SLC25A13: variants seen among roughly 807,000 people sequenced by gnomAD.
SLC25A13 encodes solute carrier family 25 member 13, also known as electrogenic aspartate/glutamate antiporter SLC25A13, mitochondrial.
SLC25A13 carries 70 observed loss-of-function variants against 85.5 expected under a neutral mutation model. The observed-to-expected ratio is 0.82, with a 90% CI of 0.68 to 1.00. SLC25A13 has a LOEUF of 1.00. Among genes scored for constraint, SLC25A13 ranks in the 50% least tolerant of loss-of-function variants. The pLI is 0.00. For synonymous variants in SLC25A13, 259 were observed against 288.7 expected (o/e 0.90, Z 1.04); for missense variants, 765 against 819.8 (o/e 0.93, Z 0.82).
intron 3 of SLC25A13, among the ~76,000 whole-genome samples, chr7:96,265,401 T>G (rs1409690884): frequency 1.3e-5 from 2 of 152,170 alleles, no homozygotes; most frequent in Non-Finnish European, 2.9e-5. Context: ...CATGAAAATT[T>G]TAAATCTTTC....
At chr7:96,149,290 A>G (rs969213240) in intron 13 of SLC25A13, among the ~76,000 whole-genome samples, 6 of 152,198 alleles carry the variant, frequency 3.9e-5, no homozygotes, top group African/African-American at 1.4e-4. Context: ...ATCTCACAAC[A>G]AACTCTTTCT....
intron 6 of SLC25A13, 88 bp downstream of exon 6, chr7:96,192,949 A>C (rs1159522354): frequency 1.4e-6 from 2 of 1,436,472 alleles, no homozygotes; most frequent in Admixed American, 3.4e-5. Context: ...TGCAACAGAA[A>C]AAAAACACTA....
At chr7:96,190,082 ATTT>A (rs765043025) in intron 7 of SLC25A13, among the ~76,000 whole-genome samples, 7 of 132,178 alleles carry the variant, frequency 5.3e-5, no homozygotes, top group Non-Finnish European at 1.6e-5. Context: ...GGGAATTCTG[ATTT>A]TTTTTTTTTT....
intron 3 of SLC25A13, among the ~76,000 whole-genome samples, chr7:96,259,362 A>G (rs189105513): frequency 1.8e-3 from 274 of 152,314 alleles, no homozygotes; most frequent in Middle Eastern, 3.4e-3. Flanking sequence ...AAATATATTT[A>G]CAAGATAAAA....
chr7:96,185,365 A>AGGCG (rs1794593782), intron 9 of SLC25A13, among the ~76,000 whole-genome samples: 1 of 152,140 alleles, frequency 6.6e-6, no homozygotes, highest in Non-Finnish European at 1.5e-5. Context: ...TGGGAGGCTG[A>AGGCG]GGCGGGCGGA....
At chr7:96,270,031 G>C (rs1172912851) in intron 3 of SLC25A13, among the ~76,000 whole-genome samples, 1 of 152,140 alleles carries the variant, frequency 6.6e-6, no homozygotes, top group Non-Finnish European at 1.5e-5. Context: ...AGTTAGAGGA[G>C]TAAGCTCAAG....
chr7:96,296,780 T>G (rs1233388338), intron 2 of SLC25A13, 118 bp downstream of exon 2: 18 of 1,056,948 alleles, frequency 1.7e-5, no homozygotes, highest in Non-Finnish European at 2.3e-5. Flanking sequence ...CGTGCCGGGC[T>G]GACACTTTGG....
chr7:96,292,742 AAGG>A (rs1191296554), intron 2 of SLC25A13, among the ~76,000 whole-genome samples: 1 of 152,230 alleles, frequency 6.6e-6, no homozygotes, highest in Admixed American at 6.5e-5. Context: ...GGACCTCTTC[AAGG>A]AGAACTGCAA....
intron 3 of SLC25A13, among the ~76,000 whole-genome samples, chr7:96,250,734 T>C (rs1202208419): frequency 1.4e-4 from 4 of 27,592 alleles, no homozygotes; most frequent in Non-Finnish European, 2.5e-4. Flanking sequence ...GTTTTAGACC[T>C]GTTACAAAAA....
chr7:96,231,832 G>A (rs1326367354), intron 4 of SLC25A13, among the ~76,000 whole-genome samples: 1 of 152,088 alleles, frequency 6.6e-6, no homozygotes, highest in Non-Finnish European at 1.5e-5. Context: ...AACATCACTG[G>A]TAATTAGAGA....
intron 15 of SLC25A13, among the ~76,000 whole-genome samples, chr7:96,126,820 G>A (rs1340945501): frequency 1.3e-5 from 2 of 152,152 alleles, no homozygotes; most frequent in East Asian, 3.9e-4. Context: ...GGATGAATAT[G>A]CTCAGTCTAT....
intron 4 of SLC25A13, among the ~76,000 whole-genome samples, chr7:96,223,140 A>G (rs1445506899): frequency 6.6e-6 from 1 of 152,168 alleles, no homozygotes; most frequent in Non-Finnish European, 1.5e-5. Flanking sequence ...ATAGCCATTC[A>G]CAGACTCCCT....
intron 14 of SLC25A13, among the ~76,000 whole-genome samples, chr7:96,145,064 AG>A (rs1400560522): frequency 6.6e-6 from 1 of 152,176 alleles, no homozygotes. Flanking sequence ...TATTTTTTAC[AG>A]CTGGGTAATA....
rs111547602 is a variant in SLC25A13, at chr7:96,316,809, C to T, written c.15+5133G>A. On this transcript the variant is annotated intron_variant, in intron 1 of 17. Transcript: ENST00000265631. ...CTGGTTTACACTGAGACACCTACCC[C>T]TCTCCTAAGTCATCTCCCACACCTC... Among the ~76,000 whole-genome samples, 10 of 152,218 alleles carry T rather than the reference C, an allele frequency of 6.6e-5. 1 individual carries two copies. Among genetic ancestry groups the T allele is most frequent in the African/African-American group, 1.9e-4 (8 of 41,528 alleles).
At chr7:96,262,155 G>C (rs1164018264) in intron 3 of SLC25A13, among the ~76,000 whole-genome samples, 1 of 152,136 alleles carries the variant, frequency 6.6e-6, no homozygotes, top group Middle Eastern at 3.2e-3. Context: ...CTCTAATTCT[G>C]ACAGTGGTAA....
At chr7:96,319,552 A>C (rs912381414) in intron 1 of SLC25A13, among the ~76,000 whole-genome samples, 3 of 151,128 alleles carry the variant, frequency 2.0e-5, no homozygotes, top group East Asian at 1.9e-4. Context: ...AAAAAAAAAA[A>C]AAAAAAAAAA....
At chr7:96,278,126 T>A (rs1376892056) in intron 2 of SLC25A13, among the ~76,000 whole-genome samples, 1 of 152,200 alleles carries the variant, frequency 6.6e-6, no homozygotes, top group African/African-American at 2.4e-5. Flanking sequence ...GAGAGCCCAT[T>A]AATTTCTGTT....
At chr7:96,277,932 A>T (rs1322149077) in intron 2 of SLC25A13, among the ~76,000 whole-genome samples, 2 of 152,180 alleles carry the variant, frequency 1.3e-5, no homozygotes, top group African/African-American at 4.8e-5. Context: ...CAAACTACTA[A>T]GTGCGTGTCA....
At chr7:96,123,271 C>T (rs931825006) in intron 15 of SLC25A13, among the ~76,000 whole-genome samples, 2 of 152,152 alleles carry the variant, frequency 1.3e-5, no homozygotes, top group African/African-American at 2.4e-5. Flanking sequence ...AATTTATCCT[C>T]CAACATAATG....
Sources: gnomAD v4.1 joint callset for allele counts (sites outside exome capture counted in the v4.1 genomes callset) on GRCh38, gnomAD v4.1.1 for gene constraint, MANE v1.5 for transcripts, NCBI Gene and HGNC (gene_info 2026-07-23, HGNC 2026-07-21) for gene names.